The following BCL11B variants were observed in gnomAD, a reference collection of about 807,000 sequenced individuals.
BCL11B encodes BCL11 transcription factor B, also known as B-cell lymphoma/leukemia 11B.
A neutral mutation model predicts 49.9 loss-of-function variants in BCL11B; 8 were observed. The ratio of observed to expected loss-of-function variants is 0.16; its 90% CI spans 0.09 to 0.29. The LOEUF is 0.29. Among genes scored for constraint, BCL11B ranks in the 10% least tolerant of loss-of-function variants. BCL11B has a pLI of 1.00. For missense variants in BCL11B, 1,006 were observed against 1,351.0 expected, an observed-to-expected ratio of 0.74 and a Z score of 4.00; for synonymous variants, 739 against 637.4, an observed-to-expected ratio of 1.16 and a Z score of -2.40.
chr14:99,227,900 G>C (rs1888203848), intron 3 of BCL11B, among the ~76,000 whole-genome samples: 6 of 152,072 alleles, frequency 3.9e-5, no homozygotes, highest in Admixed American at 3.9e-4. Context: ...GTCAAAAAGA[G>C]TCAGGACCCC....
chr14:99,187,191 A>G (rs1176728826), intron 3 of BCL11B, among the ~76,000 whole-genome samples: 1 of 152,230 alleles, frequency 6.6e-6, no homozygotes, highest in African/African-American at 2.4e-5. Context: ...ATAAAGCAAC[A>G]TTGCCAGCCG....
At chr14:99,185,627 C>T (rs375760198) in intron 3 of BCL11B, among the ~76,000 whole-genome samples, 95 of 152,078 alleles carry the variant, frequency 6.2e-4, no homozygotes, top group South Asian at 5.4e-3. Context: ...TGAGGCAGGT[C>T]GGGGGAAATG....
intron 3 of BCL11B, among the ~76,000 whole-genome samples, chr14:99,229,740 C>T (rs1469530819): frequency 6.6e-6 from 1 of 152,118 alleles, no homozygotes; most frequent in African/African-American, 2.4e-5. Context: ...TTGACCGCGT[C>T]CAGTAATAAA....
chr14:99,266,471 AAAAG>A (rs763120654), intron 1 of BCL11B, among the ~76,000 whole-genome samples: 20 of 152,364 alleles, frequency 1.3e-4, no homozygotes, highest in Middle Eastern at 3.4e-3. Flanking sequence ...TAATTGTTAA[AAAAG>A]AAAGAAAGAA....
At chr14:99,258,302 C>T (rs938306546) in intron 1 of BCL11B, among the ~76,000 whole-genome samples, 3 of 152,202 alleles carry the variant, frequency 2.0e-5, no homozygotes, top group East Asian at 3.9e-4. Flanking sequence ...GAACAAACAT[C>T]GGAATAGTCT....
intron 2 of BCL11B, among the ~76,000 whole-genome samples, chr14:99,238,660 G>A (rs772840689): frequency 3.9e-5 from 6 of 152,188 alleles, no homozygotes; most frequent in Non-Finnish European, 8.8e-5. Flanking sequence ...TGAGGGACAC[G>A]CAGCTTGGAC....
At position 99,195,224 on chromosome 14, in the gene BCL11B, C is replaced by A. The variant is rs1256792155; in HGVS notation, c.641-19029G>T. Among the ~76,000 whole-genome samples the A allele has an allele frequency of 6.6e-6, 1 of 152,122 alleles. No individual in the cohort carries two copies. The highest frequency in any genetic ancestry group is 1.5e-5 in the Non-Finnish European group (1 of 68,012). On this transcript the variant is annotated intron_variant, in intron 3 of 3. Transcript: ENST00000357195. This position sits in a 1 kb window ranked among gnomAD's most constrained non-coding sequence, Gnocchi z 4.7. ...TGGAGCGAACTACCTGGCTTCCTGACCTGTACTTTCAAGCCCCACTGTCAA... is the reference window on the plus strand; with the variant it reads ...TGGAGCGAACTACCTGGCTTCCTGAACTGTACTTTCAAGCCCCACTGTCAA...
At position 99,174,295 on chromosome 14, in the gene BCL11B, C is replaced by G. The variant is rs2139752811; in HGVS notation, c.2541G>C (p.Gly847=). The G allele has an allele frequency of 6.2e-7, 1 of 1,613,554 alleles. No individual in the cohort carries two copies. The highest frequency in any genetic ancestry group is 8.5e-7 in the Non-Finnish European group (1 of 1,180,008). ...SKLTRHMKTH[G]QIGKEVYRCD... ...AGCGGTACACCTCCTTGCCGATCTG[C>G]CCGTGCGTCTTCATGTGGCGCGTGA... is the stretch of plus-strand genomic sequence containing the variant. The change falls in exon 4 of 4, where the codon GGG becomes GGC. Residue 847 remains glycine, a synonymous_variant. Coordinates refer to ENST00000357195, the MANE Select transcript of BCL11B (RefSeq NM_138576.4).
At chr14:99,221,395 C>G (rs1229577606) in intron 3 of BCL11B, among the ~76,000 whole-genome samples, 1 of 152,244 alleles carries the variant, frequency 6.6e-6, no homozygotes, top group Non-Finnish European at 1.5e-5. Flanking sequence ...GGTACTGACT[C>G]CATTTTTGCA....
chr14:99,258,714 C>T (rs1257081201), intron 1 of BCL11B, among the ~76,000 whole-genome samples: 1 of 152,164 alleles, frequency 6.6e-6, no homozygotes, highest in Non-Finnish European at 1.5e-5. Context: ...TGTAGATTTC[C>T]CCCACACTCA....
intron 3 of BCL11B, among the ~76,000 whole-genome samples, chr14:99,182,849 C>T (rs1478892426): frequency 6.6e-6 from 1 of 152,210 alleles, no homozygotes; most frequent in Non-Finnish European, 1.5e-5. Context: ...CATGCCTGCA[C>T]CTCTTTGCCA....
rs1410176913 is a variant in BCL11B at position 99,175,029 on chromosome 14, C to G, written c.1807G>C (p.Gly603Arg). The change falls in exon 4 of 4, where the codon GGC becomes CGC. Residue 603 changes from glycine to arginine, a missense_variant. Gly to Arg is a moderately radical substitution (Grantham distance 125). Coordinates refer to ENST00000357195, the MANE Select transcript of BCL11B (RefSeq NM_138576.4). ...CCGTACTGCGGCAGTGCGCCTAGGCCCACGTTCTCCATGACCTTGCCCAGC... is the reference window on the plus strand; with the variant it reads ...CCGTACTGCGGCAGTGCGCCTAGGCGCACGTTCTCCATGACCTTGCCCAGC... ...LVLGKVMENV[G>R]LGALPQYGEL... 6 of 1,596,208 alleles carry G rather than the reference C, an allele frequency of 3.8e-6. No individual in the cohort carries two copies. The highest frequency in any genetic ancestry group is 5.1e-6 in the Non-Finnish European group (6 of 1,176,656).
chr14:99,183,358 C>G (rs1886764006), intron 3 of BCL11B, among the ~76,000 whole-genome samples: 1 of 152,192 alleles, frequency 6.6e-6, no homozygotes. Flanking sequence ...AGACTCCAAG[C>G]TCCTTGAGGA....
At chr14:99,230,643 CCA>C (rs1566821129) in intron 3 of BCL11B, among the ~76,000 whole-genome samples, 1 of 152,172 alleles carries the variant, frequency 6.6e-6, no homozygotes, top group African/African-American at 2.4e-5. Context: ...GTTTGTGTCA[CCA>C]CACCGGCCCA....
intron 3 of BCL11B, among the ~76,000 whole-genome samples, chr14:99,204,312 G>A (rs993559101): frequency 5.9e-5 from 9 of 152,118 alleles, no homozygotes; most frequent in Admixed American, 5.2e-4. Flanking sequence ...CTCTCCCTGG[G>A]GTTAGTGCAG....
intron 3 of BCL11B, among the ~76,000 whole-genome samples, chr14:99,230,789 C>T (rs1352204308): frequency 6.6e-6 from 1 of 152,140 alleles, no homozygotes; most frequent in African/African-American, 2.4e-5. Context: ...CCACCCCTCA[C>T]ACACCTCACA....
At position 99,171,331 on chromosome 14, in the gene BCL11B, T is replaced by A. The variant is rs1276882762; in HGVS notation, c.*2820A>T. 4.5e-6 allele frequency: 1 copy of A among 223,562 alleles called. No individual in the cohort carries two copies. 13.8% of individuals were successfully genotyped at this position (223,562 alleles called of 1,614,324 possible). On this transcript the variant is annotated 3_prime_UTR_variant, in exon 4 of 4. Coordinates refer to ENST00000357195, the MANE Select transcript of BCL11B (RefSeq NM_138576.4). ...AAACAACCCTTTTTCTCCTGTACAA[T>A]AGGACTTAACATACAAATGTGTTTT...
Position 99,195,576 on chromosome 14 carries a change from C to G in BCL11B, c.641-19381G>C, listed in dbSNP as rs1424929239. ...GTGAACCCCCACAAGGCTCGTATGC[C>G]TTGGATTCCACATGGAGGATCCAAG... On this transcript the variant is annotated intron_variant, in intron 3 of 3. Coordinates refer to ENST00000357195, the MANE Select transcript of BCL11B (RefSeq NM_138576.4). The surrounding 1 kb of genome is among the most constrained non-coding windows in gnomAD (Gnocchi z 4.7). 6.6e-6 allele frequency among the ~76,000 whole-genome samples: 1 copy of G among 152,160 alleles called. No homozygotes were observed. The highest frequency in any genetic ancestry group is 1.5e-5 in the Non-Finnish European group (1 of 68,034).
intron 3 of BCL11B, among the ~76,000 whole-genome samples, chr14:99,230,114 C>T (rs1463848967): frequency 6.6e-6 from 1 of 152,166 alleles, no homozygotes; most frequent in African/African-American, 2.4e-5. Context: ...GGAGGGTACA[C>T]TAAAGCTCCA....
Sources: allele counts gnomAD v4.1 joint callset (sites outside exome capture counted in the v4.1 genomes callset), GRCh38; gene constraint gnomAD v4.1.1; non-coding constraint Gnocchi (gnomAD v3.1); transcripts MANE v1.5; gene names NCBI Gene and HGNC (gene_info 2026-07-23, HGNC 2026-07-21).